The following ATXN7L1 variants were observed in gnomAD, a reference collection of about 807,000 sequenced individuals.
ATXN7L1 encodes ataxin-7-like protein 1.
ATXN7L1 carries 15 observed loss-of-function variants against 70.8 expected under a neutral mutation model. The ratio of observed to expected loss-of-function variants is 0.21; its 90% confidence interval spans 0.14 to 0.33. The LOEUF (loss-of-function observed/expected upper bound fraction) is 0.33. ATXN7L1 is among the 10% of genes least tolerant of loss of function. The pLI is 1.00. For synonymous variants in ATXN7L1, 440 were observed against 445.1 expected (o/e 0.99, Z 0.14); for missense variants, 975 against 1,097.1 (o/e 0.89, Z 1.57).
chr7:105,742,423 G>A (rs578027561), intron 3 of ATXN7L1, among the ~76,000 whole-genome samples: 1 of 152,304 alleles, frequency 6.6e-6, no homozygotes, highest in East Asian at 1.9e-4. Context: ...TTTGCCTTTT[G>A]TACATGAATC....
chr7:105,671,088 C>CAG (rs1803531966), intron 3 of ATXN7L1, among the ~76,000 whole-genome samples: 1 of 129,826 alleles, frequency 7.7e-6, no homozygotes, highest in Admixed American at 8.4e-5. Context: ...GCCTGGGCGA[C>CAG]AGCGAGACTA....
chr7:105,839,209 T>C (rs1240514341), intron 2 of ATXN7L1, among the ~76,000 whole-genome samples: 3 of 152,122 alleles, frequency 2.0e-5, no homozygotes, highest in Non-Finnish European at 4.4e-5. Flanking sequence ...GAGACGTTTT[T>C]AGGAAGCTGT....
intron 3 of ATXN7L1, among the ~76,000 whole-genome samples, chr7:105,666,312 T>C (rs1445905576): frequency 2.6e-5 from 4 of 152,222 alleles, no homozygotes; most frequent in East Asian, 1.9e-4. Flanking sequence ...TTAATTAACA[T>C]GTGTTGAATA....
At chr7:105,694,038 G>A (rs914758337) in intron 3 of ATXN7L1, among the ~76,000 whole-genome samples, 1 of 149,932 alleles carries the variant, frequency 6.7e-6, no homozygotes, top group African/African-American at 2.5e-5. Flanking sequence ...AGGTCCTGAG[G>A]GAGAAGTGAG....
chr7:105,670,135 T>C (rs1321034008), intron 3 of ATXN7L1, among the ~76,000 whole-genome samples: 4 of 152,136 alleles, frequency 2.6e-5, no homozygotes, highest in Non-Finnish European at 4.4e-5. Flanking sequence ...AGTTTTGCGT[T>C]GGTGAGGAGG....
At chr7:105,762,484 G>A (rs1161263542) in intron 3 of ATXN7L1, among the ~76,000 whole-genome samples, 4 of 152,156 alleles carry the variant, frequency 2.6e-5, no homozygotes, top group African/African-American at 9.7e-5. Flanking sequence ...TAGCTTGAAA[G>A]AGAGAAGGGG....
intron 8 of ATXN7L1, among the ~76,000 whole-genome samples, chr7:105,622,334 AT>A (rs1336751229): frequency 6.6e-6 from 1 of 152,132 alleles, no homozygotes; most frequent in African/African-American, 2.4e-5. Context: ...AGAGCCTCAT[AT>A]TTCTTTCAGA....
chr7:105,738,216 A>T (rs927008949), intron 3 of ATXN7L1, among the ~76,000 whole-genome samples: 1 of 152,214 alleles, frequency 6.6e-6, no homozygotes, highest in African/African-American at 2.4e-5. Flanking sequence ...GATTTCCACC[A>T]ACTGACATCA....
In ATXN7L1 at chr7:105,624,069, G is replaced by T. The variant is rs767079647; in HGVS notation, c.1395+6C>A. The T allele has an allele frequency of 1.0e-5, 14 of 1,406,054 alleles. No individual in the cohort carries two copies. The highest frequency in any genetic ancestry group is 1.5e-5 in the African/African-American group (1 of 68,206). The allele number at this position is 1,406,054 out of a possible 1,614,324, so 87.1% of individuals were successfully genotyped here. A position where few individuals can be genotyped will look rare whatever the true frequency, so the allele number is the denominator to read the frequency against. ...AACGCATGGCAAGGAACGGAAGGAG[G>T]CCTACCGCCAGAGGTCTGGGGTGGT... On this transcript the variant is annotated splice_donor_region_variant and intron_variant, in intron 8 of 11. Transcript: ENST00000419735.
At chr7:105,865,742 T>C (rs1216406877) in intron 2 of ATXN7L1, among the ~76,000 whole-genome samples, 1 of 152,142 alleles carries the variant, frequency 6.6e-6, no homozygotes, top group Admixed American at 6.6e-5. Flanking sequence ...TTCTGTGACA[T>C]TAAGTATATT....
intron 3 of ATXN7L1, among the ~76,000 whole-genome samples, chr7:105,726,923 A>G (rs970468162): frequency 6.6e-6 from 1 of 152,212 alleles, no homozygotes; most frequent in Non-Finnish European, 1.5e-5. Flanking sequence ...TTAATTTAAC[A>G]ATTAACATTT....
chr7:105,788,686 G>A lies in ATXN7L1; in HGVS notation c.273C>T (p.Tyr91=). The A allele has an allele frequency of 6.2e-7, 1 of 1,613,436 alleles. No individual in the cohort carries two copies. The highest frequency in any genetic ancestry group is 8.5e-7 in the Non-Finnish European group (1 of 1,179,380). The stretch of plus-strand genomic sequence containing the variant: ...CGAGATAGAAGTCGTCATGTGCTGG[G>A]TAATGGCCAAATAAGTGCATATCTG... ...NKEDMHLFGH[Y]PAHDDFYLVV... is the part of the protein sequence containing the mutation. Residue 91 remains tyrosine (Y), a synonymous_variant, in exon 3 of 12, where the codon TAC becomes TAT. Coordinates refer to ENST00000419735, the MANE Select transcript of ATXN7L1 (RefSeq NM_020725.2).
intron 3 of ATXN7L1, among the ~76,000 whole-genome samples, chr7:105,684,358 C>T (rs1805905820): frequency 6.6e-6 from 1 of 152,228 alleles, no homozygotes; most frequent in Non-Finnish European, 1.5e-5. Context: ...TTTCATTACT[C>T]CCTGATCTTG....
intron 2 of ATXN7L1, among the ~76,000 whole-genome samples, chr7:105,812,010 T>A (rs1318378465): frequency 6.6e-6 from 1 of 152,186 alleles, no homozygotes; most frequent in Non-Finnish European, 1.5e-5. Flanking sequence ...TCCCTTCTGT[T>A]TTCTGGGTCT....
At chr7:105,764,928 T>A (rs1167382806) in intron 3 of ATXN7L1, among the ~76,000 whole-genome samples, 4 of 152,116 alleles carry the variant, frequency 2.6e-5, no homozygotes, top group Non-Finnish European at 5.9e-5. Context: ...GATTCCACCA[T>A]GAATGAAATG....
chr7:105,868,009 G>T (rs907646594), intron 2 of ATXN7L1, among the ~76,000 whole-genome samples: 2 of 152,180 alleles, frequency 1.3e-5, no homozygotes, highest in Non-Finnish European at 1.5e-5. Context: ...TTATACTACT[G>T]TGTGCTTTGC....
At chr7:105,720,999 G>A (rs1014895389) in intron 3 of ATXN7L1, among the ~76,000 whole-genome samples, 6 of 152,096 alleles carry the variant, frequency 3.9e-5, no homozygotes, top group African/African-American at 1.2e-4. Context: ...ACATGGCTTC[G>A]CTGCCCTGCC....
chr7:105,745,807 C>G (rs901366349), intron 3 of ATXN7L1, among the ~76,000 whole-genome samples: 2 of 152,196 alleles, frequency 1.3e-5, no homozygotes, highest in Admixed American at 1.3e-4. Context: ...CTGCTCTAAT[C>G]CCATCTGTTC....
At chr7:105,697,051 G>A (rs780760839) in intron 3 of ATXN7L1, among the ~76,000 whole-genome samples, 19 of 152,090 alleles carry the variant, frequency 1.2e-4, no homozygotes, top group Non-Finnish European at 1.9e-4. Flanking sequence ...TACTTAACAG[G>A]GTAATAGAAT....
Sources: gnomAD v4.1 joint callset for allele counts (sites outside exome capture counted in the v4.1 genomes callset) on GRCh38, gnomAD v4.1.1 for gene constraint, MANE v1.5 for transcripts, NCBI Gene and HGNC (gene_info 2026-07-23, HGNC 2026-07-21) for gene names.